The following PCCA variants were observed in gnomAD, a reference collection of about 807,000 sequenced individuals.
PCCA encodes the protein propionyl-CoA carboxylase alpha chain, mitochondrial.
In PCCA, 74 loss-of-function variants were observed where a neutral mutation model predicts 101.3. That is an observed-to-expected ratio of 0.73 (90% CI 0.61 to 0.89). The LOEUF (loss-of-function observed/expected upper bound fraction) is 0.89, where lower values mean the gene tolerates loss of function less well. PCCA is among the 40% of genes least tolerant of loss of function. The pLI is 0.00. For missense variants in PCCA, 891 were observed against 907.0 expected, an observed-to-expected ratio of 0.98 and a Z score of 0.23; for synonymous variants, 294 against 313.6, an observed-to-expected ratio of 0.94 and a Z score of 0.66.
intron 18 of PCCA, among the ~76,000 whole-genome samples, chr13:100,341,976 TA>T (rs2071416507): frequency 1.8e-5 from 2 of 113,896 alleles, no homozygotes; most frequent in South Asian, 4.8e-4. Context: ...TATATATATA[TA>T]TATATGTATT....
At chr13:100,518,314 G>C (rs1466339558) in intron 22 of PCCA, among the ~76,000 whole-genome samples, 3 of 152,210 alleles carry the variant, frequency 2.0e-5, no homozygotes, top group African/African-American at 4.8e-5. Context: ...TCTGTTTTGT[G>C]AAGTAAACAA....
intron 20 of PCCA, among the ~76,000 whole-genome samples, chr13:100,429,588 T>C (rs1311220186): frequency 6.6e-6 from 1 of 151,928 alleles, no homozygotes; most frequent in East Asian, 1.9e-4. Context: ...TTATTAAACC[T>C]CATTTAATAT....
intron 10 of PCCA, among the ~76,000 whole-genome samples, chr13:100,264,063 GGTATCTGTATATCGTATATA>G (rs2062746015): frequency 7.1e-6 from 1 of 139,902 alleles, no homozygotes; most frequent in Non-Finnish European, 1.6e-5. Context: ...GTATATATAC[GGTATCTGTATATCGTATATA>G]TACGGTATCT....
chr13:100,348,524 T>A (rs1473574170), intron 18 of PCCA, among the ~76,000 whole-genome samples: 2 of 152,184 alleles, frequency 1.3e-5, no homozygotes, highest in Non-Finnish European at 2.9e-5. Flanking sequence ...ACAACCACTT[T>A]TTTTAAAAGC....
chr13:100,503,746 A>C (rs1406702307), intron 21 of PCCA, among the ~76,000 whole-genome samples: 1 of 152,114 alleles, frequency 6.6e-6, no homozygotes, highest in Non-Finnish European at 1.5e-5. Context: ...TTTACAAAAA[A>C]TTTAAAAAAA....
At chr13:100,216,884 G>A (rs563645643) in intron 7 of PCCA, among the ~76,000 whole-genome samples, 4 of 152,112 alleles carry the variant, frequency 2.6e-5, no homozygotes, top group Middle Eastern at 6.8e-3. Context: ...CGAGGTGGGC[G>A]GATCACCTGA....
intron 6 of PCCA, among the ~76,000 whole-genome samples, chr13:100,201,857 C>CAAAAAA (rs55669622): frequency 1.5e-4 from 9 of 60,744 alleles, no homozygotes; most frequent in Admixed American, 2.8e-4. Context: ...AACTGCGTCT[C>CAAAAAA]AAAAAAAAAA....
chr13:100,309,885 C>T lies in PCCA; in HGVS notation c.1406C>T (p.Ala469Val). ...RTEALKRMAD[A>V]LDNYVIRGVT... ...GAGGCACTGAAGAGAATGGCAGATG[C>T]ACTGGATAACTATGTTATTCGAGGT... is the stretch of plus-strand genomic sequence containing the variant. The change falls in exon 16 of 24, where the codon GCA (alanine) becomes GTA (valine). Residue 469 changes from alanine (A) to valine (V), a missense_variant. Physicochemically the swap from Ala to Val is moderately conservative, Grantham distance 64. Coordinates refer to ENST00000376285, the MANE Select transcript of PCCA (RefSeq NM_000282.4). The T allele has an allele frequency of 6.2e-7, 1 of 1,612,348 alleles. No homozygotes were observed. Among genetic ancestry groups the T allele is most frequent in the Middle Eastern group, 1.7e-4 (1 of 6,048 alleles).
At chr13:100,250,452 T>G (rs569449263) in intron 8 of PCCA, among the ~76,000 whole-genome samples, 33 of 152,222 alleles carry the variant, frequency 2.2e-4, no homozygotes, top group South Asian at 1.2e-3. Flanking sequence ...TTATTGGATT[T>G]TTTAGTCATT....
chr13:100,321,720 T>G (rs1307075777), intron 16 of PCCA, among the ~76,000 whole-genome samples: 1 of 151,896 alleles, frequency 6.6e-6, no homozygotes, highest in Non-Finnish European at 1.5e-5. Flanking sequence ...TCCATGGAAT[T>G]TTTGTGTAGC....
intron 7 of PCCA, among the ~76,000 whole-genome samples, chr13:100,210,300 A>G (rs573100770): frequency 6.6e-6 from 1 of 152,360 alleles, no homozygotes; most frequent in South Asian, 2.1e-4. Flanking sequence ...TTTAAATAGC[A>G]TAAGTTAAAA....
At chr13:100,529,904 G>A (rs560732081) in intron 23 of PCCA, among the ~76,000 whole-genome samples, 194 bp from the exon 24 acceptor site, 3 of 152,194 alleles carry the variant, frequency 2.0e-5, no homozygotes, top group South Asian at 2.1e-4. Flanking sequence ...AGTGAGCCAC[G>A]GCCACGGCCA....
intron 1 of PCCA, among the ~76,000 whole-genome samples, chr13:100,098,708 G>A (rs1262096572): frequency 6.6e-6 from 1 of 152,212 alleles, no homozygotes; most frequent in Non-Finnish European, 1.5e-5. Flanking sequence ...GAGCTCTAGA[G>A]TTGACATGTA....
At chr13:100,136,815 A>T (rs1489448764) in intron 4 of PCCA, among the ~76,000 whole-genome samples, 1 of 151,828 alleles carries the variant, frequency 6.6e-6, no homozygotes, top group Non-Finnish European at 1.5e-5. Flanking sequence ...TTAGAGATTT[A>T]TCAGTTTTAT....
chr13:100,092,701 T>G (rs941723503), intron 1 of PCCA, among the ~76,000 whole-genome samples: 9 of 152,264 alleles, frequency 5.9e-5, no homozygotes, highest in Admixed American at 1.3e-4. Flanking sequence ...CATTGTGTGA[T>G]GCATTCATGA....
Position 100,340,166 on chromosome 13 carries a change from TA to T in PCCA, c.1552del (p.Thr518ProfsTer11). On this transcript the variant is annotated frameshift_variant, in exon 18 of 24. Coordinates refer to ENST00000376285, the MANE Select transcript of PCCA (RefSeq NM_000282.4). LOFTEE classifies it high-confidence loss of function. ...VYPDGFKGHM[L>X]TKSEKNQLLA... Reference sequence around the variant, plus strand: ...GATTGATTTCCCTCAGGACACATGCTAACCAAGAGTGAGAAGAACCAGTTAT... The same window carrying T: ...GATTGATTTCCCTCAGGACACATGCTACCAAGAGTGAGAAGAACCAGTTAT... 6.3e-7 allele frequency: 1 copy of T among 1,582,812 alleles called. No individual in the cohort carries two copies. Among genetic ancestry groups the T allele is most frequent in the Non-Finnish European group, 8.7e-7 (1 of 1,151,314 alleles).
intron 4 of PCCA, among the ~76,000 whole-genome samples, chr13:100,139,875 C>G (rs1351458867): frequency 6.7e-6 from 1 of 149,332 alleles, no homozygotes; most frequent in East Asian, 1.9e-4. Flanking sequence ...TAGCAATTAA[C>G]TTGGTTGGCT....
At chr13:100,333,424 T>G (rs796699850) in intron 17 of PCCA, among the ~76,000 whole-genome samples, 23 of 152,364 alleles carry the variant, frequency 1.5e-4, no homozygotes, top group African/African-American at 4.3e-4. Flanking sequence ...TGCATTAAAA[T>G]TTTCTATTGT....
intron 6 of PCCA, among the ~76,000 whole-genome samples, chr13:100,169,702 A>T (rs1377645290): frequency 5.2e-5 from 7 of 135,312 alleles, no homozygotes; most frequent in South Asian, 2.5e-4. Flanking sequence ...TAATTTCTGT[A>T]TTTTTTTTTT....
Sources: allele counts gnomAD v4.1 joint callset (sites outside exome capture counted in the v4.1 genomes callset), GRCh38; gene constraint gnomAD v4.1.1; transcripts MANE v1.5; gene names NCBI Gene and HGNC (gene_info 2026-07-23, HGNC 2026-07-21).